Variants in DOCK1 observed in about 807,000 individuals in gnomAD.
The protein encoded by DOCK1 is dedicator of cytokinesis 1.
A neutral mutation model predicts 262.7 loss-of-function variants in DOCK1; 138 were observed. The ratio of observed to expected loss-of-function variants is 0.53; its 90% CI spans 0.46 to 0.61. The LOEUF (loss-of-function observed/expected upper bound fraction) is 0.61, where lower values mean the gene tolerates loss of function less well. DOCK1 is among the 20% of genes least tolerant of loss of function. The pLI is 0.00. For synonymous variants in DOCK1, 866 were observed against 867.4 expected (o/e 1.00, Z 0.03); for missense variants, 1,908 against 2,370.7 (o/e 0.80, Z 4.05).
chr10:127,065,626 C>G (rs984877020), intron 23 of DOCK1, among the ~76,000 whole-genome samples: 2 of 152,126 alleles, frequency 1.3e-5, no homozygotes, highest in Non-Finnish European at 2.9e-5. Flanking sequence ...AGCACCCCAC[C>G]ATGCTACCGA....
rs2063391334 is a variant in DOCK1, at chr10:127,340,727, A to G, written c.3123+1643A>G. 2.0e-5 allele frequency among the ~76,000 whole-genome samples: 3 copies of G among 152,194 alleles called. No homozygotes were observed. The South Asian group carries it at 6.2e-4, about 32-fold the overall frequency. Reference sequence around the variant, plus strand: ...TGAGAGCAGCCACTTTCTATCTAGAATCTTCTTCAACACTGATTTAAAATG... The same window carrying G: ...TGAGAGCAGCCACTTTCTATCTAGAGTCTTCTTCAACACTGATTTAAAATG... On this transcript the variant is annotated intron_variant, in intron 30 of 51. Coordinates refer to ENST00000623213, the MANE Select transcript of DOCK1 (RefSeq NM_001290223.2).
intron 4 of DOCK1, among the ~76,000 whole-genome samples, chr10:126,982,881 T>C (rs182297998): frequency 1.3e-5 from 2 of 152,254 alleles, no homozygotes; most frequent in Non-Finnish European, 2.9e-5. Context: ...CTGGATCAAG[T>C]GTGCATTTAG....
chr10:127,045,485 A>G (rs1001419704), intron 21 of DOCK1, among the ~76,000 whole-genome samples: 3 of 152,158 alleles, frequency 2.0e-5, no homozygotes, highest in Admixed American at 6.5e-5. Flanking sequence ...ATATTATCCC[A>G]GAGTGTCCTT....
At chr10:127,252,672 G>A (rs1159170141) in intron 28 of DOCK1, among the ~76,000 whole-genome samples, 1 of 150,838 alleles carries the variant, frequency 6.6e-6, no homozygotes, top group Non-Finnish European at 1.5e-5. Flanking sequence ...GTTTTTCTCA[G>A]GTTTGTCAAA....
intron 15 of DOCK1, chr10:127,025,079 C>T (rs568050208): frequency 1.1e-4 from 24 of 214,266 alleles, no homozygotes; most frequent in African/African-American, 5.0e-4. Context: ...GGCATGCTGT[C>T]TTTACACCAA....
intron 29 of DOCK1, among the ~76,000 whole-genome samples, chr10:127,261,811 G>A (rs1485948252): frequency 3.0e-5 from 4 of 135,024 alleles, no homozygotes; most frequent in Non-Finnish European, 6.2e-5. Flanking sequence ...GTGGGTGTGG[G>A]TGTGTACCTG....
rs1240828661 is a variant in DOCK1, at chr10:127,181,185, T to G, written c.2847+53421T>G. ...GTGTGTATATGTATGTATATATGCA[T>G]AGGTATATACGTGCCTGCGTATGTA... On this transcript the variant is annotated intron_variant, in intron 27 of 51. Coordinates refer to ENST00000623213, the MANE Select transcript of DOCK1 (RefSeq NM_001290223.2). 1.7e-4 allele frequency among the ~76,000 whole-genome samples: 26 copies of G among 152,220 alleles called. 1 individual carries two copies. Among genetic ancestry groups the G allele is most frequent in the Admixed American group, 1.7e-3 (26 of 15,294 alleles).
chr10:126,981,864 C>T (rs2039003596), intron 3 of DOCK1, 54 bp from the exon 4 acceptor site: 5 of 1,565,254 alleles, frequency 3.2e-6, no homozygotes, highest in Middle Eastern at 3.7e-4. Context: ...GTTTGATTTA[C>T]ATTCAGCAAT....
intron 29 of DOCK1, among the ~76,000 whole-genome samples, chr10:127,303,965 C>T (rs190646759): frequency 1.1e-4 from 16 of 152,278 alleles, no homozygotes; most frequent in Admixed American, 2.0e-4. Flanking sequence ...CTTATCAACC[C>T]GAAGAATTCC....
intron 27 of DOCK1, among the ~76,000 whole-genome samples, chr10:127,197,268 C>A (rs938467422): frequency 2.6e-5 from 4 of 152,188 alleles, no homozygotes; most frequent in African/African-American, 9.7e-5. Flanking sequence ...CACACACCAC[C>A]CGTCAGCAGA....
chr10:127,345,806 G>C (rs10764976), intron 31 of DOCK1, among the ~76,000 whole-genome samples: 62,286 of 151,872 alleles, frequency 0.41, 13,533 homozygotes, highest in Middle Eastern at 0.53. Flanking sequence ...GCAGGCTCCT[G>C]CTTTGTGGAA....
At chr10:126,943,685 G>A (rs1001725662) in intron 1 of DOCK1, among the ~76,000 whole-genome samples, 11 of 152,192 alleles carry the variant, frequency 7.2e-5, no homozygotes, top group African/African-American at 2.7e-4. Flanking sequence ...CAAGACAGCT[G>A]TGAATGGTAG....
chr10:127,017,033 T>TA (rs2041983159), intron 12 of DOCK1, among the ~76,000 whole-genome samples: 1 of 27,146 alleles, frequency 3.7e-5, no homozygotes, highest in Non-Finnish European at 7.3e-5. Flanking sequence ...CAGATACAGA[T>TA]ACCACACACA....
At chr10:127,438,512 C>T (rs1424270313) in intron 48 of DOCK1, among the ~76,000 whole-genome samples, 1 of 152,196 alleles carries the variant, frequency 6.6e-6, no homozygotes, top group Non-Finnish European at 1.5e-5. Flanking sequence ...AGGGCATCTC[C>T]AAGCACCTGT....
chr10:126,986,875 A>G (rs1378451205), intron 4 of DOCK1, among the ~76,000 whole-genome samples: 1 of 152,136 alleles, frequency 6.6e-6, no homozygotes, highest in African/African-American at 2.4e-5. Context: ...GCACCACTGC[A>G]CTCCAGCCTG....
intron 1 of DOCK1, among the ~76,000 whole-genome samples, chr10:126,945,968 C>T (rs1480403605): frequency 2.0e-5 from 3 of 152,148 alleles, no homozygotes; most frequent in Non-Finnish European, 2.9e-5. Context: ...TGCTGATGAA[C>T]GTTCATAGGC....
At chr10:127,039,141 C>T (rs566422801) in intron 19 of DOCK1, among the ~76,000 whole-genome samples, 40 of 152,320 alleles carry the variant, frequency 2.6e-4, no homozygotes, top group South Asian at 1.7e-3. Context: ...TTTCCTGAAT[C>T]GTATAACTCT....
chr10:127,394,348 A>C (rs2066685422), intron 38 of DOCK1, among the ~76,000 whole-genome samples: 2 of 109,302 alleles, frequency 1.8e-5, no homozygotes, highest in South Asian at 6.9e-4. Context: ...GCCTTGCACC[A>C]ATGTAAAAAA....
chr10:127,166,004 G>C (rs1406441912), intron 27 of DOCK1, among the ~76,000 whole-genome samples: 1 of 152,138 alleles, frequency 6.6e-6, no homozygotes, highest in Non-Finnish European at 1.5e-5. Flanking sequence ...AAGTAAAAGG[G>C]AAAATCCAGA....
Sources: gnomAD v4.1 joint callset for allele counts (sites outside exome capture counted in the v4.1 genomes callset) on GRCh38, gnomAD v4.1.1 for gene constraint, MANE v1.5 for transcripts, NCBI Gene and HGNC (gene_info 2026-07-23, HGNC 2026-07-21) for gene names.